Variants in GRID1 observed in about 807,000 individuals in gnomAD.
GRID1 encodes glutamate receptor ionotropic, delta-1.
GRID1 carries 28 observed loss-of-function variants against 98.0 expected under a neutral mutation model. That is an observed-to-expected ratio of 0.29 (90% CI 0.21 to 0.39). GRID1 has a LOEUF of 0.39. GRID1 is among the 10% of genes least tolerant of loss of function. The pLI is 1.00. For synonymous variants in GRID1, 553 were observed against 538.5 expected, an observed-to-expected ratio of 1.03 and a Z score of -0.37; for missense variants, 1,111 against 1,340.5, an observed-to-expected ratio of 0.83 and a Z score of 2.67.
intron 4 of GRID1, among the ~76,000 whole-genome samples, chr10:86,049,070 T>A (rs916105552): frequency 1.3e-5 from 2 of 152,226 alleles, no homozygotes; most frequent in Non-Finnish European, 2.9e-5. Flanking sequence ...GTTTCACAGA[T>A]GAGGAGAGGA....
At chr10:85,685,904 C>T (rs1841263498) in intron 12 of GRID1, among the ~76,000 whole-genome samples, 2 of 151,470 alleles carry the variant, frequency 1.3e-5, no homozygotes, top group Non-Finnish European at 2.9e-5. Context: ...TAAAAATGTG[C>T]AAGACCTTTA....
At chr10:85,722,456 C>T (rs758634162) in intron 12 of GRID1, among the ~76,000 whole-genome samples, 7 of 152,074 alleles carry the variant, frequency 4.6e-5, no homozygotes, top group South Asian at 2.1e-4. Flanking sequence ...AGAGTTATTT[C>T]GCTATATTGA....
At chr10:85,743,116 C>CCCA (rs1554828608) in intron 8 of GRID1, among the ~76,000 whole-genome samples, 1 of 134,640 alleles carries the variant, frequency 7.4e-6, no homozygotes, top group Non-Finnish European at 1.6e-5. Context: ...CCCCCCCCCC[C>CCCA]ACCACCCATT....
At chr10:86,060,987 G>C (rs181378277) in intron 4 of GRID1, among the ~76,000 whole-genome samples, 1 of 152,072 alleles carries the variant, frequency 6.6e-6, no homozygotes, top group Non-Finnish European at 1.5e-5. Flanking sequence ...CCTCCACCCC[G>C]CAGGACTCCC....
intron 2 of GRID1, among the ~76,000 whole-genome samples, chr10:86,285,755 G>C (rs138754341): frequency 4.6e-5 from 7 of 152,296 alleles, no homozygotes; most frequent in Admixed American, 3.3e-4. Context: ...AGTAGAAATA[G>C]GTCAAGGCAT....
intron 4 of GRID1, among the ~76,000 whole-genome samples, chr10:86,019,801 G>A (rs1244064559): frequency 6.6e-6 from 1 of 152,238 alleles, no homozygotes; most frequent in African/African-American, 2.4e-5. Context: ...AATCTATTTG[G>A]CCAAGGCCAC....
intron 3 of GRID1, among the ~76,000 whole-genome samples, chr10:86,167,073 C>G (rs545286750): frequency 6.6e-6 from 1 of 152,376 alleles, no homozygotes; most frequent in South Asian, 2.1e-4. Context: ...AGGGGAAGGC[C>G]TCTCCCTCCC....
chr10:85,718,454 C>T (rs1048733194), intron 12 of GRID1, among the ~76,000 whole-genome samples: 5 of 151,910 alleles, frequency 3.3e-5, no homozygotes, highest in South Asian at 2.1e-4. Flanking sequence ...GCCTTGCCCC[C>T]GCAGCAAACT....
chr10:85,613,576 C>G lies in GRID1; in HGVS notation c.2432G>C (p.Cys811Ser). ...GGCGCTGGCATGGCTGGTGAGGTCA[C>G]AGCGGCCCATGTGCGGCCACCACTT... The part of the protein sequence containing the change: ...KQKWWPHMGR[C>S]DLTSHASAQA... Residue 811 changes from cysteine (C) to serine (S), a missense_variant, in exon 15 of 16, where the codon TGT becomes TCT. Coordinates refer to ENST00000327946, the MANE Select transcript of GRID1 (RefSeq NM_017551.3). The G allele has an allele frequency of 1.2e-6, 2 of 1,614,158 alleles. No individual in the cohort carries two copies. The highest frequency in any genetic ancestry group is 1.7e-6 in the Non-Finnish European group (2 of 1,180,036).
chr10:86,281,079 T>C (rs1447753761), intron 2 of GRID1, among the ~76,000 whole-genome samples: 2 of 152,034 alleles, frequency 1.3e-5, no homozygotes, highest in Non-Finnish European at 2.9e-5. Flanking sequence ...GAGAATGCAA[T>C]AGGGAGGGGG....
chr10:85,698,034 G>A (rs1841412803), intron 12 of GRID1, among the ~76,000 whole-genome samples: 1 of 152,140 alleles, frequency 6.6e-6, no homozygotes, highest in South Asian at 2.1e-4. Context: ...TGTACGGTGA[G>A]TATGTGAGGG....
rs1351339350 is a variant in GRID1 at position 85,724,532 on chromosome 10, G to C, written c.1678C>G (p.Pro560Ala). The C allele has an allele frequency of 1.9e-6, 3 of 1,613,968 alleles. No individual in the cohort carries two copies. The highest frequency in any genetic ancestry group is 1.1e-5 in the South Asian group (1 of 91,078). The change falls in exon 11 of 16, where the codon CCA (proline) becomes GCA (alanine). Residue 560 changes from proline (P) to alanine (A), a missense_variant. Physicochemically the swap from Pro to Ala is conservative, Grantham distance 27 (BLOSUM62 -1). Coordinates refer to ENST00000327946, the MANE Select transcript of GRID1 (RefSeq NM_017551.3). The part of the protein sequence containing the change: ...EKISIFSLFA[P>A]FDFAVWACIA... ...CAGGCCCACACAGCGAAATCAAATG[G>C]AGCAAAGAGGGAGAAGATGCTGATT... is the stretch of plus-strand genomic sequence containing the variant.
intron 12 of GRID1, among the ~76,000 whole-genome samples, chr10:85,663,208 A>G (rs1840985272): frequency 6.6e-6 from 1 of 152,204 alleles, no homozygotes; most frequent in South Asian, 2.1e-4. Context: ...ATCAGAGGTC[A>G]TCAAGTTAAA....
At chr10:85,790,141 C>G (rs1262677252) in intron 8 of GRID1, among the ~76,000 whole-genome samples, 1 of 152,224 alleles carries the variant, frequency 6.6e-6, no homozygotes, top group Non-Finnish European at 1.5e-5. Flanking sequence ...TATCACAGCG[C>G]TCCAGCATGA....
rs376453278 is a variant in GRID1, at chr10:85,874,954, C to G, written c.781-5774G>C. On this transcript the variant is annotated intron_variant, in intron 5 of 15. Coordinates refer to ENST00000327946, the MANE Select transcript of GRID1 (RefSeq NM_017551.3). ...AATCTCGGCTCACTGCAACCTCCAC[C>G]TCCCGGGTTCAAGCAATTCTCCTGT... 1.5e-4 allele frequency among the ~76,000 whole-genome samples: 23 copies of G among 152,316 alleles called. No individual in the cohort carries two copies. The East Asian group carries it at 4.1e-3, about 27-fold the overall frequency.
At position 86,012,948 on chromosome 10, in the gene GRID1, C is replaced by A. The variant is rs566478215; in HGVS notation, c.727-96709G>T. Among the ~76,000 whole-genome samples, 6 of 152,298 alleles carry A rather than the reference C, an allele frequency of 3.9e-5. No individual in the cohort carries two copies. In the East Asian group the frequency reaches 1.2e-3, roughly 29 times the overall value. On this transcript the variant is annotated intron_variant, in intron 4 of 15. Transcript: ENST00000327946. ...CTATTTATCAGGATAACCCTTTGCA[C>A]TGAAGGAAAGGAAATAATACCACGA...
chr10:85,610,397 C>G (rs760822897), intron 15 of GRID1, among the ~76,000 whole-genome samples: 5 of 152,204 alleles, frequency 3.3e-5, no homozygotes, highest in Non-Finnish European at 1.5e-5. Context: ...TCCTTCCTCA[C>G]GTTGACACTT....
Position 86,192,045 on chromosome 10 carries a change from G to T in GRID1, c.520+14319C>A, listed in dbSNP as rs1351260449. On this transcript the variant is annotated intron_variant, in intron 3 of 15. Transcript: ENST00000327946. The surrounding 1 kb of genome is among the most constrained non-coding windows in gnomAD (Gnocchi z 4.8). ...TAAGGAGAGGGGGAGACATTCAGGG[G>T]TCTAAGCAGGGCAGTGAGTTAAGGA... 6.6e-6 allele frequency among the ~76,000 whole-genome samples: 1 copy of T among 152,198 alleles called. No homozygotes were observed. Among genetic ancestry groups the T allele is most frequent in the Non-Finnish European group, 1.5e-5 (1 of 68,036 alleles).
At chr10:86,163,584 CATG>C (rs1471917419) in intron 3 of GRID1, among the ~76,000 whole-genome samples, 1 of 152,134 alleles carries the variant, frequency 6.6e-6, no homozygotes, top group Non-Finnish European at 1.5e-5. Flanking sequence ...AGACTGTGAG[CATG>C]ATACTTTGGA....
Sources: gnomAD v4.1 joint callset for allele counts (sites outside exome capture counted in the v4.1 genomes callset) on GRCh38, gnomAD v4.1.1 for gene constraint, Gnocchi (gnomAD v3.1) non-coding constraint, MANE v1.5 for transcripts, NCBI Gene and HGNC (gene_info 2026-07-23, HGNC 2026-07-21) for gene names.